SLC39A11: variants seen among roughly 807,000 people sequenced by gnomAD.
SLC39A11 encodes solute carrier family 39 member 11.
A neutral mutation model predicts 36.1 loss-of-function variants in SLC39A11; 33 were observed. The ratio of observed to expected loss-of-function variants is 0.91; its 90% CI spans 0.69 to 1.22. SLC39A11 has a LOEUF of 1.22. Among genes scored for constraint, SLC39A11 ranks in the 50% most tolerant of loss-of-function variants. The pLI, the probability that SLC39A11 is intolerant of heterozygous loss-of-function variation, is 0.00. For missense variants in SLC39A11, 432 were observed against 430.3 expected, an observed-to-expected ratio of 1.00 and a Z score of -0.03; for synonymous variants, 166 against 170.3, an observed-to-expected ratio of 0.97 and a Z score of 0.20.
At chr17:73,056,854 A>C (rs188666305) in intron 3 of SLC39A11, among the ~76,000 whole-genome samples, 1 of 152,376 alleles carries the variant, frequency 6.6e-6, no homozygotes, top group East Asian at 1.9e-4. Context: ...TTTACCAAGA[A>C]GACTTACAGT....
At chr17:72,716,992 T>TATATACACACAC (rs773086532) in intron 7 of SLC39A11, among the ~76,000 whole-genome samples, 10 of 126,464 alleles carry the variant, frequency 7.9e-5, no homozygotes, top group African/African-American at 3.2e-4. Flanking sequence ...TATATATATA[T>TATATACACACAC]ACACACACAC....
intron 6 of SLC39A11, among the ~76,000 whole-genome samples, chr17:72,841,003 TGA>T (rs1207014418): frequency 1.3e-5 from 2 of 152,000 alleles, no homozygotes; most frequent in African/African-American, 4.8e-5. Flanking sequence ...TGCAGTGAGC[TGA>T]GATGGCGCCA....
At chr17:73,085,529 G>A (rs9302954) in intron 2 of SLC39A11, among the ~76,000 whole-genome samples, 1 of 151,606 alleles carries the variant, frequency 6.6e-6, no homozygotes, top group African/African-American at 2.4e-5. Flanking sequence ...GCCTGTAATC[G>A]CAGCTACTTG....
intron 4 of SLC39A11, among the ~76,000 whole-genome samples, chr17:72,991,645 C>G (rs939247898): frequency 1.3e-5 from 2 of 152,198 alleles, no homozygotes; most frequent in Non-Finnish European, 2.9e-5. Context: ...AGGTGTGAGC[C>G]ACTGGGCCCG....
chr17:72,754,420 T>C (rs1364633310), intron 6 of SLC39A11, among the ~76,000 whole-genome samples: 1 of 151,938 alleles, frequency 6.6e-6, no homozygotes, highest in Non-Finnish European at 1.5e-5. Context: ...CCAAACACCG[T>C]CGCTTCCCCA....
At chr17:73,010,019 T>C (rs982938772) in intron 4 of SLC39A11, among the ~76,000 whole-genome samples, 1 of 152,130 alleles carries the variant, frequency 6.6e-6, no homozygotes, top group South Asian at 2.1e-4. Context: ...CACTCCAAGG[T>C]TTCGGTACTC....
chr17:72,984,189 C>T (rs1265433657), intron 4 of SLC39A11, among the ~76,000 whole-genome samples: 1 of 152,132 alleles, frequency 6.6e-6, no homozygotes, highest in African/African-American at 2.4e-5. Context: ...GCTCTTGCCC[C>T]TGTTCTTCCC....
chr17:72,792,267 G>A (rs2567519), intron 6 of SLC39A11, among the ~76,000 whole-genome samples: 88,940 of 152,058 alleles, frequency 0.58, 27,261 homozygotes, highest in Non-Finnish European at 0.69. Context: ...AGGTTCTGTA[G>A]TGACAAGAGG....
intron 4 of SLC39A11, among the ~76,000 whole-genome samples, chr17:72,949,747 T>G (rs1271438745): frequency 6.6e-6 from 1 of 151,806 alleles, no homozygotes; most frequent in Non-Finnish European, 1.5e-5. Flanking sequence ...GATGCAAACA[T>G]TTTCAGGCCA....
chr17:73,071,734 T>G (rs2060167950), intron 3 of SLC39A11, among the ~76,000 whole-genome samples: 1 of 152,234 alleles, frequency 6.6e-6, no homozygotes, highest in Admixed American at 6.5e-5. Flanking sequence ...TCTGCCACTG[T>G]AGTCCAAAAG....
At chr17:73,073,066 G>A (rs977859072) in intron 3 of SLC39A11, among the ~76,000 whole-genome samples, 1 of 152,194 alleles carries the variant, frequency 6.6e-6, no homozygotes, top group African/African-American at 2.4e-5. Context: ...TGTAAGCCCA[G>A]CTACTCGGGA....
intron 6 of SLC39A11, among the ~76,000 whole-genome samples, chr17:72,804,527 G>A (rs1165030393): frequency 1.3e-5 from 2 of 152,164 alleles, no homozygotes; most frequent in African/African-American, 4.8e-5. Context: ...TAAAAGGAAA[G>A]GTTAACCATG....
At chr17:72,899,773 C>T (rs111427909) in intron 5 of SLC39A11, among the ~76,000 whole-genome samples, 17,556 of 151,948 alleles carry the variant, frequency 0.12, 1,688 homozygotes, top group African/African-American at 0.26. Flanking sequence ...GACAGCCTGG[C>T]CAAAATGGCG....
chr17:72,766,466 T>C (rs2075764277), intron 6 of SLC39A11, among the ~76,000 whole-genome samples: 1 of 152,214 alleles, frequency 6.6e-6, no homozygotes, highest in African/African-American at 2.4e-5. Flanking sequence ...CCTCAAGGCC[T>C]TGTACCATCT....
chr17:72,828,523 T>A (rs2078127069), intron 6 of SLC39A11, among the ~76,000 whole-genome samples: 2 of 152,212 alleles, frequency 1.3e-5, no homozygotes, highest in East Asian at 3.9e-4. Flanking sequence ...AGCTATTAAG[T>A]GGAGGGGCCA....
At chr17:72,838,179 T>C (rs1335600705) in intron 6 of SLC39A11, 2 of 398,786 alleles carry the variant, frequency 5.0e-6, no homozygotes, top group Non-Finnish European at 8.8e-6. Context: ...TTGCACAACC[T>C]TTCAGATATA....
In SLC39A11 at chr17:73,008,105, A is replaced by AAAAAAGAAAAAGAAAAAGAAAAAG. The variant is rs71154943; in HGVS notation, c.306+23427_306+23450dup. ...GTGACAGAGCGAGACTCAGTCTCAA[A>AAAAAAGAAAAAGAAAAAGAAAAAG]AAAAAGAAAAAGAAAAAGAAAAAGA... On this transcript the variant is annotated intron_variant, in intron 4 of 9. Coordinates refer to ENST00000255559, the MANE Select transcript of SLC39A11 (RefSeq NM_139177.4). 7.2e-5 allele frequency among the ~76,000 whole-genome samples: 10 copies of AAAAAAGAAAAAGAAAAAGAAAAAG among 139,714 alleles called. No individual in the cohort carries two copies. In the South Asian group the frequency reaches 1.6e-3, roughly 23 times the overall value. The allele number at this position is 139,714 out of a possible 152,430, so 91.7% of individuals were successfully genotyped here.
chr17:72,669,168 A>C (rs2070884697), intron 7 of SLC39A11, among the ~76,000 whole-genome samples: 1 of 152,188 alleles, frequency 6.6e-6, no homozygotes, highest in African/African-American at 2.4e-5. Context: ...TTTTTCTCAA[A>C]GTTATATAGG....
At chr17:72,999,219 ATT>A (rs2089684471) in intron 4 of SLC39A11, among the ~76,000 whole-genome samples, 1 of 152,156 alleles carries the variant, frequency 6.6e-6, no homozygotes, top group Non-Finnish European at 1.5e-5. Flanking sequence ...CTTTCTGGAG[ATT>A]TCAATTATCC....
Sources: allele counts gnomAD v4.1 joint callset (sites outside exome capture counted in the v4.1 genomes callset), GRCh38; gene constraint gnomAD v4.1.1; transcripts MANE v1.5; gene names NCBI Gene and HGNC (gene_info 2026-07-23, HGNC 2026-07-21).